Variants in TANK observed in about 807,000 individuals in gnomAD.
TANK encodes TRAF family member-associated NF-kappa-B activator.
Under a neutral mutation model 43.6 loss-of-function variants are expected in TANK, and 15 were observed. The ratio of observed to expected loss-of-function variants is 0.34; its 90% confidence interval spans 0.23 to 0.53. The LOEUF (loss-of-function observed/expected upper bound fraction) is 0.53, where lower values mean the gene tolerates loss of function less well. TANK is among the 20% of genes least tolerant of loss of function. The pLI, the probability that TANK is intolerant of heterozygous loss-of-function variation, is 0.94. For synonymous variants in TANK, 162 were observed against 178.2 expected, an observed-to-expected ratio of 0.91 and a Z score of 0.73; for missense variants, 417 against 498.6, an observed-to-expected ratio of 0.84 and a Z score of 1.56.
At chr2:161,142,116 A>G (rs894540087) in intron 1 of TANK, among the ~76,000 whole-genome samples, 1 of 152,192 alleles carries the variant, frequency 6.6e-6, no homozygotes, top group Non-Finnish European at 1.5e-5. Flanking sequence ...TGTTGGCTGC[A>G]TAAATGTCTT....
intron 1 of TANK, among the ~76,000 whole-genome samples, chr2:161,152,997 G>A (rs991852707): frequency 4.0e-5 from 6 of 151,874 alleles, no homozygotes; most frequent in Non-Finnish European, 2.9e-5. Flanking sequence ...TATTTTTTCT[G>A]CTTCATTTCT....
At chr2:161,232,951 G>T in intron 7 of TANK, 1 of 1,229,162 alleles carries the variant, frequency 8.1e-7, no homozygotes, top group Non-Finnish European at 1.1e-6. Context: ...TTGTTTTGAA[G>T]ACCATGTTAC....
At chr2:161,184,156 A>G (rs1462735975) in intron 2 of TANK, among the ~76,000 whole-genome samples, 2 of 152,182 alleles carry the variant, frequency 1.3e-5, no homozygotes, top group Admixed American at 6.6e-5. Context: ...GAATGATGGG[A>G]CATTCCAGGA....
intron 1 of TANK, among the ~76,000 whole-genome samples, chr2:161,153,792 A>G (rs1352311136): frequency 1.3e-5 from 2 of 151,934 alleles, no homozygotes; most frequent in East Asian, 3.9e-4. Context: ...CCTGTAGGCC[A>G]GATCTTGTTC....
At chr2:161,145,994 C>T (rs1319335424) in intron 1 of TANK, among the ~76,000 whole-genome samples, 1 of 152,148 alleles carries the variant, frequency 6.6e-6, no homozygotes, top group African/African-American at 2.4e-5. Flanking sequence ...TACATAGTCC[C>T]ATATTTCTCA....
At chr2:161,146,656 A>G (rs797006130) in intron 1 of TANK, among the ~76,000 whole-genome samples, 7 of 152,220 alleles carry the variant, frequency 4.6e-5, no homozygotes, top group African/African-American at 1.7e-4. Context: ...TGGAGACATC[A>G]CTCAAGGAGG....
At position 161,223,920 on chromosome 2, in the gene TANK, A is replaced by G. The variant is rs761179537; in HGVS notation, c.333A>G (p.Arg111=). 7 of 1,599,622 alleles carry G rather than the reference A, an allele frequency of 4.4e-6. No homozygotes were observed. Among genetic ancestry groups the G allele is most frequent in the Non-Finnish European group, 5.1e-6 (6 of 1,169,512 alleles). ...GIAREKLPKV[R]RQEVSSPRKE... ...AATCATTTTGTATGTTTAAGGTAAGAAGACAAGAGGTTTCTTCTCCTAGAA... is the reference window on the plus strand; with the variant it reads ...AATCATTTTGTATGTTTAAGGTAAGGAGACAAGAGGTTTCTTCTCCTAGAA... Residue 111 remains arginine, a synonymous_variant, in exon 5 of 8, where the codon AGA becomes AGG. Transcript: ENST00000392749.
At chr2:161,153,733 T>C (rs1181089055) in intron 1 of TANK, among the ~76,000 whole-genome samples, 1 of 147,568 alleles carries the variant, frequency 6.8e-6, no homozygotes, top group Non-Finnish European at 1.5e-5. Context: ...TAGAACCACC[T>C]ACTAAGTTAC....
chr2:161,161,202 G>A (rs1009953519), intron 1 of TANK: 1 of 1,509,994 alleles, frequency 6.6e-7, no homozygotes, highest in Admixed American at 2.2e-5. Context: ...AATCAAAGAA[G>A]AGCTGTGCCT....
chr2:161,138,129 T>C (rs1683641217), intron 1 of TANK: 1 of 189,414 alleles, frequency 5.3e-6, no homozygotes, highest in Non-Finnish European at 9.8e-6. Context: ...AAACTAGTCT[T>C]ATTCTATTAT....
At chr2:161,157,606 C>T (rs1382918348), upstream of TANK, among the ~76,000 whole-genome samples, 1 of 152,168 alleles carries the variant, frequency 6.6e-6, no homozygotes, top group Non-Finnish European at 1.5e-5. Context: ...GTCATAGTAA[C>T]TGTTTATATT....
chr2:161,155,823 A>G (rs1265284884), upstream of TANK, among the ~76,000 whole-genome samples: 1 of 152,194 alleles, frequency 6.6e-6, no homozygotes, highest in Non-Finnish European at 1.5e-5. Context: ...ACCACATTGT[A>G]TAGTAATTGC....
intron 2 of TANK, among the ~76,000 whole-genome samples, chr2:161,198,707 A>C (rs1170952909): frequency 6.6e-6 from 1 of 152,256 alleles, no homozygotes; most frequent in Non-Finnish European, 1.5e-5. Context: ...AAAAGCTCAA[A>C]GAGGCAAGTA....
At chr2:161,181,056 G>T (rs572672094) in intron 2 of TANK, among the ~76,000 whole-genome samples, 248 of 152,224 alleles carry the variant, frequency 1.6e-3, no homozygotes, top group African/African-American at 5.5e-3. Context: ...TTTAGGAAAG[G>T]TTTTCAAAAG....
Position 161,235,577 on chromosome 2 carries a change from A to G in TANK, c.*59A>G, listed in dbSNP as rs1688139998. The G allele has an allele frequency of 3.0e-6, 4 of 1,324,254 alleles. No homozygotes were observed. The highest frequency in any genetic ancestry group is 5.1e-5 in the East Asian group (2 of 39,214). The allele number at this position is 1,324,254 out of a possible 1,614,324, so 82.0% of individuals were successfully genotyped here. A position where few individuals can be genotyped will look rare whatever the true frequency, so the allele number is the denominator to read the frequency against. ...GTGATGATTTTGGGTTTTTAATACTATAAATACTTGATTGTAAACTAAATT... is the reference window on the plus strand; with the variant it reads ...GTGATGATTTTGGGTTTTTAATACTGTAAATACTTGATTGTAAACTAAATT... On this transcript the variant is annotated 3_prime_UTR_variant, in exon 8 of 8. Coordinates refer to ENST00000392749, the MANE Select transcript of TANK (RefSeq NM_001199135.3).
chr2:161,207,883 A>G (rs895274260), intron 4 of TANK: 3 of 984,902 alleles, frequency 3.0e-6, no homozygotes, highest in African/African-American at 1.7e-5. Context: ...AGGTGATGGT[A>G]TGATTCTTTT....
chr2:161,154,298 G>A (rs1303578342), intron 1 of TANK, among the ~76,000 whole-genome samples: 1 of 152,160 alleles, frequency 6.6e-6, no homozygotes, highest in Non-Finnish European at 1.5e-5. Flanking sequence ...AAGGACAAAA[G>A]AGTGATCACT....
intron 2 of TANK, among the ~76,000 whole-genome samples, chr2:161,185,341 G>T (rs1266717284): frequency 1.3e-5 from 2 of 152,110 alleles, no homozygotes; most frequent in African/African-American, 4.8e-5. Context: ...TATGAAGGCA[G>T]TTAAGTTGAG....
intron 1 of TANK, among the ~76,000 whole-genome samples, chr2:161,140,356 ACT>A (rs1040526273): frequency 5.9e-5 from 9 of 152,108 alleles, no homozygotes; most frequent in African/African-American, 2.2e-4. Context: ...CTTAGAAATT[ACT>A]CTTTTTAAAA....
Sources: gnomAD v4.1 joint callset for allele counts (sites outside exome capture counted in the v4.1 genomes callset) on GRCh38, gnomAD v4.1.1 for gene constraint, MANE v1.5 for transcripts, NCBI Gene and HGNC (gene_info 2026-07-23, HGNC 2026-07-21) for gene names.